KCNIP1: variants seen among roughly 807,000 people sequenced by gnomAD.
KCNIP1 encodes potassium voltage-gated channel interacting protein 1, also known as A-type potassium channel modulatory protein KCNIP1.
A neutral mutation model predicts 33.0 loss-of-function variants in KCNIP1; 18 were observed. That is an observed-to-expected ratio of 0.55 (90% CI 0.38 to 0.81). The LOEUF (loss-of-function observed/expected upper bound fraction) is 0.81. Among genes scored for constraint, KCNIP1 ranks in the 30% least tolerant of loss-of-function variants. KCNIP1 has a pLI of 0.00. For synonymous variants in KCNIP1, 93 were observed against 98.3 expected, an observed-to-expected ratio of 0.95 and a Z score of 0.32; for missense variants, 238 against 271.6, an observed-to-expected ratio of 0.88 and a Z score of 0.87.
At position 170,528,481 on chromosome 5, in the gene KCNIP1, G is replaced by A. The variant is rs546587144; in HGVS notation, c.61+23848G>A. On this transcript the variant is annotated intron_variant, in intron 1 of 7. Coordinates refer to ENST00000328939, the MANE Select transcript of KCNIP1 (RefSeq NM_014592.4). ...GGCTGGCATGAGGAATAAACAAAAT[G>A]GTTGTGTCCAGTGCCTGGGGCATAG... 2.3e-3 allele frequency among the ~76,000 whole-genome samples: 351 copies of A among 152,142 alleles called. 1 individual carries two copies. Among genetic ancestry groups the A allele is most frequent in the Non-Finnish European group, 2.5e-3 (171 of 68,030 alleles).
chr5:170,728,780 G>A (rs146578874), intron 5 of KCNIP1, among the ~76,000 whole-genome samples: 1 of 152,018 alleles, frequency 6.6e-6, no homozygotes, highest in African/African-American at 2.4e-5. Flanking sequence ...TGTTATTTGG[G>A]AAGGAAATTT....
chr5:170,707,787 GT>G (rs550563025), intron 1 of KCNIP1, among the ~76,000 whole-genome samples: 70 of 145,304 alleles, frequency 4.8e-4, no homozygotes, highest in Middle Eastern at 3.6e-3. Context: ...ACACTCAAAG[GT>G]TTTTTTTTTT....
At chr5:170,611,093 G>A (rs777840714) in intron 1 of KCNIP1, among the ~76,000 whole-genome samples, 3 of 152,196 alleles carry the variant, frequency 2.0e-5, no homozygotes, top group Non-Finnish European at 4.4e-5. Flanking sequence ...CTTGACAGTG[G>A]CACTCAAATT....
intron 1 of KCNIP1, among the ~76,000 whole-genome samples, chr5:170,599,329 C>A (rs1758599758): frequency 6.6e-6 from 1 of 152,050 alleles, no homozygotes. Flanking sequence ...TGGTCTGGGG[C>A]CTCTCATCCA....
chr5:170,446,584 C>G (rs1756121864), intron 1 of KCNIP1, among the ~76,000 whole-genome samples: 1 of 152,164 alleles, frequency 6.6e-6, no homozygotes, highest in South Asian at 2.1e-4. Context: ...ACCTCAGCCT[C>G]ACGAGTAGGT....
At chr5:170,362,209 C>T (rs934460690) in intron 1 of KCNIP1, among the ~76,000 whole-genome samples, 1 of 152,306 alleles carries the variant, frequency 6.6e-6, no homozygotes, top group South Asian at 2.1e-4. Flanking sequence ...GGGGGACCGG[C>T]CTGCTTGGAG....
chr5:170,583,866 C>T (rs1561699852), intron 1 of KCNIP1, among the ~76,000 whole-genome samples: 1 of 152,144 alleles, frequency 6.6e-6, no homozygotes, highest in African/African-American at 2.4e-5. Flanking sequence ...ATTGTGGCTG[C>T]ATAACAGTTG....
intron 1 of KCNIP1, among the ~76,000 whole-genome samples, chr5:170,526,754 G>A (rs989375747): frequency 2.9e-5 from 4 of 136,560 alleles, no homozygotes; most frequent in East Asian, 2.1e-4. Context: ...ACAGAATCGC[G>A]CTCTGTTGCC....
chr5:170,590,025 C>T (rs556006457), intron 1 of KCNIP1, among the ~76,000 whole-genome samples: 3 of 152,126 alleles, frequency 2.0e-5, no homozygotes, highest in South Asian at 4.2e-4. Context: ...GAACTCCCAG[C>T]GGGAGTTAGG....
rs188854850 is a variant in KCNIP1, at chr5:170,475,468, T to C, written c.88+121504T>C. On this transcript the variant is annotated intron_variant, in intron 1 of 7. Transcript: ENST00000377360. ...TCCCTGACTCCTGCTGCAGACCCAC[T>C]GAGAGGTGACTCCCACACGGCTGTC... Among the ~76,000 whole-genome samples, 328 of 152,294 alleles carry C rather than the reference T, an allele frequency of 2.2e-3. 5 individuals carry two copies. The highest frequency in any genetic ancestry group is 7.4e-3 in the African/African-American group (309 of 41,578).
At chr5:170,687,845 G>A (rs925091730) in intron 1 of KCNIP1, among the ~76,000 whole-genome samples, 4 of 152,198 alleles carry the variant, frequency 2.6e-5, no homozygotes, top group Non-Finnish European at 5.9e-5. Context: ...GAGATGAAAT[G>A]TAAGAATGTG....
At chr5:170,518,653 G>T (rs1487166803) in intron 1 of KCNIP1, among the ~76,000 whole-genome samples, 1 of 152,196 alleles carries the variant, frequency 6.6e-6, no homozygotes, top group East Asian at 1.9e-4. Flanking sequence ...TTGCCAGCAT[G>T]AGCAATTCGA....
intron 1 of KCNIP1, among the ~76,000 whole-genome samples, chr5:170,569,287 C>T (rs569678557): frequency 4.3e-4 from 65 of 152,382 alleles, no homozygotes; most frequent in African/African-American, 1.4e-3. Flanking sequence ...CCAAAATCTG[C>T]ACCCCCACCC....
chr5:170,543,403 T>C (rs572328102), intron 1 of KCNIP1, among the ~76,000 whole-genome samples: 2 of 152,256 alleles, frequency 1.3e-5, no homozygotes, highest in East Asian at 1.9e-4. Flanking sequence ...AAAATAAAAT[T>C]GAAAGCACAA....
chr5:170,433,082 C>T (rs946129363), intron 1 of KCNIP1, among the ~76,000 whole-genome samples: 2 of 152,154 alleles, frequency 1.3e-5, no homozygotes, highest in Non-Finnish European at 2.9e-5. Context: ...ACAATTTGAA[C>T]CACCTGAGGT....
rs70979189 is a variant in KCNIP1, at chr5:170,589,723, ATGTGGTGTGGTGTGGTGTGGTGTGG to A, written c.61+85125_61+85149del. Among the ~76,000 whole-genome samples the A allele has an allele frequency of 2.3e-4, 30 of 132,508 alleles. 1 individual carries two copies. Among genetic ancestry groups the A allele is most frequent in the African/African-American group, 6.3e-4 (23 of 36,394 alleles). The allele number at this position is 132,508 out of a possible 152,430, so 86.9% of individuals were successfully genotyped here. On this transcript the variant is annotated intron_variant, in intron 1 of 7. Transcript: ENST00000328939. ...TTTCTGTTTGGTTTGGTGTGGTGTG[ATGTGGTGTGGTGTGGTGTGGTGTGG>A]TGTGGTGTGGTGTGGTGTGGTGTGG... is the stretch of plus-strand genomic sequence containing the variant.
chr5:170,716,472 C>T (rs1006477885), intron 1 of KCNIP1, among the ~76,000 whole-genome samples: 2 of 152,138 alleles, frequency 1.3e-5, no homozygotes, highest in African/African-American at 4.8e-5. Context: ...TCTTGAGCCC[C>T]AAAGAAGTAA....
At chr5:170,488,072 A>G (rs1171960255) in intron 1 of KCNIP1, among the ~76,000 whole-genome samples, 1 of 152,192 alleles carries the variant, frequency 6.6e-6, no homozygotes, top group Non-Finnish European at 1.5e-5. Flanking sequence ...GTGAACCCCC[A>G]ATATAAGCTG....
chr5:170,568,172 T>G (rs1295503408), intron 1 of KCNIP1, among the ~76,000 whole-genome samples: 7 of 152,176 alleles, frequency 4.6e-5, no homozygotes, highest in African/African-American at 1.7e-4. Flanking sequence ...TGGTTGCCAT[T>G]CTTATTGCTG....
Sources: gnomAD v4.1 joint callset for allele counts (sites outside exome capture counted in the v4.1 genomes callset) on GRCh38, gnomAD v4.1.1 for gene constraint, MANE v1.5 for transcripts, NCBI Gene and HGNC (gene_info 2026-07-23, HGNC 2026-07-21) for gene names.